Variants in AFG3L2 observed in about 807,000 individuals in gnomAD.
AFG3L2 encodes AFG3 like matrix AAA peptidase subunit 2.
AFG3L2 carries 54 observed loss-of-function variants against 94.5 expected under a neutral mutation model. The ratio of observed to expected loss-of-function variants is 0.57; its 90% CI spans 0.46 to 0.72. The LOEUF is 0.72. AFG3L2 is among the 30% of genes least tolerant of loss of function. The pLI is 0.00. For synonymous variants in AFG3L2, 377 were observed against 365.5 expected, an observed-to-expected ratio of 1.03 and a Z score of -0.36; for missense variants, 754 against 994.9, an observed-to-expected ratio of 0.76 and a Z score of 3.26.
intron 8 of AFG3L2, 89 bp from the exon 9 acceptor site, chr18:12,356,920 T>A (rs1908514938): frequency 3.8e-6 from 5 of 1,313,464 alleles, no homozygotes; most frequent in Middle Eastern, 2.6e-4. Context: ...TATAACTCTG[T>A]CTCTAAATCT....
chr18:12,377,157 C>A lies in AFG3L2; in HGVS notation c.-75G>T, dbSNP rs1191955672. The A allele has an allele frequency of 8.6e-7, 1 of 1,169,072 alleles. No homozygotes were observed. Among genetic ancestry groups the A allele is most frequent in the Non-Finnish European group, 1.1e-6 (1 of 870,888 alleles). 72.4% of individuals were successfully genotyped at this position (1,169,072 alleles called of 1,614,324 possible). A position where few individuals can be genotyped will look rare whatever the true frequency, so the allele number is the denominator to read the frequency against. On this transcript the variant is annotated 5_prime_UTR_variant, in exon 1 of 17. Transcript: ENST00000269143. ...GGCGACGACTGGCGGCCTCGGGAAG[C>A]GGGCTCGGCTCGGGGAAAGGCCGCC...
At chr18:12,370,602 T>C (rs1277957149) in intron 3 of AFG3L2, among the ~76,000 whole-genome samples, 2 of 151,468 alleles carry the variant, frequency 1.3e-5, no homozygotes, top group Non-Finnish European at 2.9e-5. Context: ...GGACTACAGG[T>C]GTGCACCACC....
chr18:12,364,639 T>C (rs759821938), intron 5 of AFG3L2, among the ~76,000 whole-genome samples: 4 of 151,750 alleles, frequency 2.6e-5, no homozygotes, highest in Non-Finnish European at 5.9e-5. Context: ...TAGTTTAAGC[T>C]TTTTTTTAAA....
chr18:12,375,850 A>C (rs1909138735), intron 1 of AFG3L2, among the ~76,000 whole-genome samples: 1 of 149,368 alleles, frequency 6.7e-6, no homozygotes, highest in Non-Finnish European at 1.5e-5. Context: ...ACTTTTTAAA[A>C]ATCAACCACG....
chr18:12,369,590 G>A (rs975265624), intron 3 of AFG3L2, among the ~76,000 whole-genome samples: 4 of 151,190 alleles, frequency 2.6e-5, no homozygotes, highest in African/African-American at 9.7e-5. Flanking sequence ...GCATGGTGGC[G>A]CATGCCTATA....
Position 12,372,915 on chromosome 18 carries a change from G to T in AFG3L2, c.115-1224C>A, listed in dbSNP as rs566932737. Among the ~76,000 whole-genome samples, 97 of 152,296 alleles carry T rather than the reference G, an allele frequency of 6.4e-4. 2 individuals carry two copies. The South Asian group carries it at 0.016, about 26-fold the overall frequency. The stretch of plus-strand genomic sequence containing the variant: ...AAATGCGAAATGATTACTAATGGTC[G>T]CAGGGCTTCTTTCTGGAGTGCTGAA... On this transcript the variant is annotated intron_variant, in intron 1 of 16. Transcript: ENST00000269143.
chr18:12,348,014 G>A (rs1908199441), intron 13 of AFG3L2, among the ~76,000 whole-genome samples: 1 of 152,180 alleles, frequency 6.6e-6, no homozygotes, highest in South Asian at 2.1e-4. Flanking sequence ...CAAAGCATTC[G>A]TGAGCTGCCA....
intron 16 of AFG3L2, among the ~76,000 whole-genome samples, chr18:12,336,439 C>T (rs573599039): frequency 6.6e-6 from 1 of 152,318 alleles, no homozygotes; most frequent in South Asian, 2.1e-4. Flanking sequence ...TTCACCTCTG[C>T]CCCAACCAAC....
At position 12,329,580 on chromosome 18, in the gene AFG3L2, C is replaced by T. The variant is rs776786836; in HGVS notation, c.2379G>A (p.Glu793=). The change falls in exon 17 of 17, where the codon GAG becomes GAA. Residue 793 remains glutamate (E), a synonymous_variant. Coordinates refer to ENST00000269143, the MANE Select transcript of AFG3L2 (RefSeq NM_006796.3). ...CTCTGGGCCTCTAGTTGGCAACTTT[C>T]TCACCCGGGGGCTCCTCTTTCTCCT... The part of the protein sequence containing the change: ...REKEKEEPPG[E]KVAN The T allele has an allele frequency of 1.9e-6, 3 of 1,614,006 alleles. No individual in the cohort carries two copies. The highest frequency in any genetic ancestry group is 3.3e-5 in the Admixed American group (2 of 60,018).
intron 16 of AFG3L2, among the ~76,000 whole-genome samples, chr18:12,331,264 G>A (rs1307687193): frequency 6.6e-6 from 1 of 152,128 alleles, no homozygotes; most frequent in Non-Finnish European, 1.5e-5. Context: ...GCACTCTGAT[G>A]CCTGCACGAC....
intron 5 of AFG3L2, 23 bp downstream of exon 5, chr18:12,366,942 C>T (rs771517646): frequency 4.3e-6 from 7 of 1,613,668 alleles, no homozygotes; most frequent in Non-Finnish European, 5.9e-6. Flanking sequence ...CCACAACAGC[C>T]ACCAATCCCA....
Position 12,376,984 on chromosome 18 carries a change from C to T in AFG3L2, c.99G>A (p.Gln33=). The part of the protein sequence containing the change: ...LVPGGVGPGE[Q]PCLRTLYRFV... ...TAGGACTCACCGTCCGGAGGCAGGGCTGCTCGCCCGGGCCCACGCCGCCAG... is the reference window on the plus strand; with the variant it reads ...TAGGACTCACCGTCCGGAGGCAGGGTTGCTCGCCCGGGCCCACGCCGCCAG... The change falls in exon 1 of 17, where the codon CAG becomes CAA. Residue 33 remains glutamine (Q), a synonymous_variant. Transcript: ENST00000269143. 6.8e-7 allele frequency: 1 copy of T among 1,460,950 alleles called. No individual in the cohort carries two copies. The highest frequency in any genetic ancestry group is 1.3e-5 in the South Asian group (1 of 76,120). The allele number at this position is 1,460,950 out of a possible 1,614,324, so 90.5% of individuals were successfully genotyped here.
At position 12,337,122 on chromosome 18, in the gene AFG3L2, T is replaced by TG. The variant is rs780304459; in HGVS notation, c.2175+218_2175+219insC. Reference sequence around the variant, plus strand: ...TTCATTAATCATTCAGTCACATTCCTAAGAGCCACAGGAGCCGGGACAGTG... The same window carrying TG: ...TTCATTAATCATTCAGTCACATTCCTGAAGAGCCACAGGAGCCGGGACAGTG... On this transcript the variant is annotated intron_variant, in intron 16 of 16. Coordinates refer to ENST00000269143, the MANE Select transcript of AFG3L2 (RefSeq NM_006796.3). 1.6e-4 allele frequency: 98 copies of TG among 618,180 alleles called. 1 individual carries two copies. In the East Asian group the frequency reaches 2.6e-3, roughly 17 times the overall value. 38.3% of individuals were successfully genotyped at this position (618,180 alleles called of 1,614,324 possible). A position where few individuals can be genotyped will look rare whatever the true frequency, so the allele number is the denominator to read the frequency against.
intron 14 of AFG3L2, chr18:12,342,172 T>G (rs1907973898): frequency 6.6e-6 from 1 of 152,214 alleles, no homozygotes; most frequent in African/African-American, 2.4e-5. Flanking sequence ...GGCCCCATTT[T>G]ACATTCCTAT....
At chr18:12,349,095 G>A (rs1908232804) in intron 12 of AFG3L2, among the ~76,000 whole-genome samples, 1 of 152,112 alleles carries the variant, frequency 6.6e-6, no homozygotes, top group African/African-American at 2.4e-5. Context: ...GCGTTCAGAA[G>A]GAGAGAAATA....
At chr18:12,336,440 C>T (rs1267603129) in intron 16 of AFG3L2, among the ~76,000 whole-genome samples, 3 of 152,282 alleles carry the variant, frequency 2.0e-5, no homozygotes, top group African/African-American at 7.2e-5. Context: ...TCACCTCTGC[C>T]CCAACCAACC....
At position 12,329,771 on chromosome 18, in the gene AFG3L2, A is replaced by G. The variant is rs1309527824; in HGVS notation, c.2188T>C (p.Leu730=). The change falls in exon 17 of 17, where the codon TTG becomes CTG. Residue 730 remains leucine, a synonymous_variant. Coordinates refer to ENST00000269143, the MANE Select transcript of AFG3L2 (RefSeq NM_006796.3). ...KADVEKVALL[L]LEKEVLDKND... is the part of the protein sequence containing the mutation. ...TTATCTAATACTTCTTTTTCTAACAACAGAAGAGCAACCTGAAATATGAAC... is the reference window on the plus strand; with the variant it reads ...TTATCTAATACTTCTTTTTCTAACAGCAGAAGAGCAACCTGAAATATGAAC... 1.2e-6 allele frequency: 2 copies of G among 1,613,704 alleles called. No individual in the cohort carries two copies. Among genetic ancestry groups the G allele is most frequent in the South Asian group, 2.2e-5 (2 of 91,072 alleles).
At position 12,377,191 on chromosome 18, in the gene AFG3L2, A is replaced by T; in HGVS notation, c.-109T>A. 5.8e-6 allele frequency: 5 copies of T among 862,280 alleles called. No homozygotes were observed. In the South Asian group the frequency reaches 7.9e-5, roughly 14 times the overall value. 53.4% of individuals were successfully genotyped at this position (862,280 alleles called of 1,614,324 possible). On this transcript the variant is annotated 5_prime_UTR_variant, in exon 1 of 17. Transcript: ENST00000269143. ...CTCGGGGAAAGGCCGCCAGGCAGCG[A>T]AGCGCGCCGGCGGCTCACGGAGGAG...
intron 14 of AFG3L2, chr18:12,343,180 G>C (rs573257427): frequency 3.3e-5 from 5 of 152,280 alleles, no homozygotes; most frequent in African/African-American, 1.2e-4. Context: ...CATATTTCGA[G>C]TTTTTAGATG....
Sources: gnomAD v4.1 joint callset for allele counts (sites outside exome capture counted in the v4.1 genomes callset) on GRCh38, gnomAD v4.1.1 for gene constraint, MANE v1.5 for transcripts, NCBI Gene and HGNC (gene_info 2026-07-23, HGNC 2026-07-21) for gene names.